LRRIQ3: variants seen among roughly 807,000 people sequenced by gnomAD.
LRRIQ3 encodes leucine-rich repeat and IQ domain-containing protein 3.
In LRRIQ3, 75 loss-of-function variants were observed where a neutral mutation model predicts 59.3. The observed-to-expected ratio is 1.26, with a 90% CI of 1.05 to 1.53. The LOEUF (loss-of-function observed/expected upper bound fraction) is 1.53, where lower values mean the gene tolerates loss of function less well. LRRIQ3 is among the 40% of genes most tolerant of loss of function. LRRIQ3 has a pLI of 0.00. For missense variants in LRRIQ3, 831 were observed against 710.0 expected, an observed-to-expected ratio of 1.17 and a Z score of -1.94; for synonymous variants, 250 against 231.3, an observed-to-expected ratio of 1.08 and a Z score of -0.73.
intron 4 of LRRIQ3, among the ~76,000 whole-genome samples, chr1:74,117,124 A>G (rs1401911256): frequency 6.6e-6 from 1 of 152,180 alleles, no homozygotes; most frequent in Non-Finnish European, 1.5e-5. Flanking sequence ...GTATATCAAA[A>G]TATTTTAAAT....
intron 6 of LRRIQ3, among the ~76,000 whole-genome samples, chr1:74,073,526 A>AAACG: frequency 6.6e-6 from 1 of 151,932 alleles, no homozygotes; most frequent in Admixed American, 6.6e-5. Flanking sequence ...ACAAACAAAC[A>AAACG]AACAAACAAA....
chr1:74,193,903 A>G (rs1650929621), intron 1 of LRRIQ3, among the ~76,000 whole-genome samples: 2 of 152,192 alleles, frequency 1.3e-5, no homozygotes, highest in Non-Finnish European at 2.9e-5. Flanking sequence ...ATCTAATTGT[A>G]AGGATTCTAA....
chr1:74,101,090 G>C (rs908796483), intron 5 of LRRIQ3, among the ~76,000 whole-genome samples: 3 of 152,140 alleles, frequency 2.0e-5, no homozygotes, highest in African/African-American at 7.2e-5. Flanking sequence ...GCTCTGCACA[G>C]CAAAAGAAAC....
intron 7 of LRRIQ3, 142 bp downstream of exon 7, chr1:74,041,071 T>G: frequency 1.5e-5 from 10 of 675,244 alleles, no homozygotes; most frequent in Non-Finnish European, 2.1e-5. Flanking sequence ...TATTAGTATA[T>G]TATTTGTTCT....
chr1:74,094,260 A>C (rs1256071162), intron 5 of LRRIQ3, among the ~76,000 whole-genome samples: 1 of 152,086 alleles, frequency 6.6e-6, no homozygotes, highest in Admixed American at 6.6e-5. Flanking sequence ...TTTTGAAGGG[A>C]CACATTCAGC....
rs866388313 is a variant in LRRIQ3 at position 74,139,109 on chromosome 1, T to C, written c.707+16624A>G. 2.9e-5 allele frequency among the ~76,000 whole-genome samples: 3 copies of C among 102,408 alleles called. No homozygotes were observed. The Admixed American group carries it at 3.6e-4, about 12-fold the overall frequency. The allele number at this position is 102,408 out of a possible 152,430, so 67.2% of individuals were successfully genotyped here. The stretch of plus-strand genomic sequence containing the variant: ...ATGTGTGTGTGTATATATATATACA[T>C]ATATGTATGTGTGTGTGTATATATA... On this transcript the variant is annotated intron_variant, in intron 4 of 7. Transcript: ENST00000354431.
chr1:74,064,368 A>G (rs1452859634), intron 6 of LRRIQ3, among the ~76,000 whole-genome samples: 1 of 152,002 alleles, frequency 6.6e-6, no homozygotes. Flanking sequence ...ACTATATGTT[A>G]TATGGCCAAC....
In LRRIQ3 at chr1:74,074,706, C is replaced by G. The variant is rs920479816; in HGVS notation, c.952G>C (p.Asp318His). The change falls in exon 6 of 8, where the codon GAT becomes CAT. Residue 318 changes from aspartate to histidine, a missense_variant. Physicochemically the swap from Asp to His is moderately conservative, Grantham distance 81. Coordinates refer to ENST00000354431, the MANE Select transcript of LRRIQ3 (RefSeq NM_001105659.2). The stretch of plus-strand genomic sequence containing the variant: ...GATGTTTTTGATTTCATGCCTAGAT[C>G]TTTTGGTTTTAATTCACATAAAATA... ...SSILCELKPK[D>H]LGMKSKTSRH... The G allele has an allele frequency of 9.6e-6, 14 of 1,456,788 alleles. No individual in the cohort carries two copies. In the African/African-American group the frequency reaches 1.9e-4, roughly 20 times the overall value. 90.2% of individuals were successfully genotyped at this position (1,456,788 alleles called of 1,614,324 possible). A position where few individuals can be genotyped will look rare whatever the true frequency, so the allele number is the denominator to read the frequency against.
chr1:74,165,018 C>A (rs1403129435), intron 3 of LRRIQ3, among the ~76,000 whole-genome samples: 4 of 151,514 alleles, frequency 2.6e-5, no homozygotes, highest in Non-Finnish European at 5.9e-5. Flanking sequence ...TTCTATTGAT[C>A]TATGTGCCCA....
chr1:74,037,322 T>C (rs1653900738), intron 7 of LRRIQ3, among the ~76,000 whole-genome samples: 1 of 152,120 alleles, frequency 6.6e-6, no homozygotes. Flanking sequence ...CACTGGCAAC[T>C]GAGGTATGCA....
chr1:74,098,985 A>G (rs1295451792), intron 5 of LRRIQ3, among the ~76,000 whole-genome samples: 1 of 152,220 alleles, frequency 6.6e-6, no homozygotes, highest in Non-Finnish European at 1.5e-5. Flanking sequence ...GAACATCACA[A>G]TGAAAAGAAC....
chr1:74,098,696 C>A (rs956238954), intron 5 of LRRIQ3, among the ~76,000 whole-genome samples: 12 of 152,146 alleles, frequency 7.9e-5, no homozygotes, highest in African/African-American at 2.9e-4. Flanking sequence ...GAAATTATAA[C>A]AAACTGTCTC....
intron 7 of LRRIQ3, among the ~76,000 whole-genome samples, chr1:74,035,433 G>A (rs990537037): frequency 5.9e-5 from 9 of 152,120 alleles, no homozygotes; most frequent in Admixed American, 5.2e-4. Context: ...TCTTAAAAAT[G>A]TTCCTTGGCA....
At chr1:74,027,635 C>T (rs1276850047) in intron 7 of LRRIQ3, among the ~76,000 whole-genome samples, 1 of 152,062 alleles carries the variant, frequency 6.6e-6, no homozygotes, top group Non-Finnish European at 1.5e-5. Flanking sequence ...GCCACCCAGC[C>T]TGTGATATTT....
At chr1:74,183,297 TTTAA>T in intron 2 of LRRIQ3, 135 bp downstream of exon 2, 1 of 694,658 alleles carries the variant, frequency 1.4e-6, no homozygotes, top group East Asian at 3.0e-5. Flanking sequence ...CTTACATGCT[TTTAA>T]TTTATTGTTA....
intron 3 of LRRIQ3, among the ~76,000 whole-genome samples, chr1:74,168,668 T>A (rs1649143266): frequency 6.6e-6 from 1 of 152,050 alleles, no homozygotes; most frequent in Non-Finnish European, 1.5e-5. Flanking sequence ...TTTCTTTCAT[T>A]GTTTTCTTCT....
chr1:74,151,725 C>T (rs550832738), intron 4 of LRRIQ3, among the ~76,000 whole-genome samples: 4 of 152,130 alleles, frequency 2.6e-5, no homozygotes, highest in Non-Finnish European at 5.9e-5. Flanking sequence ...CAGGTCAAAG[C>T]CCAAAGTGAG....
At chr1:74,184,517 A>C (rs1650229099) in intron 1 of LRRIQ3, among the ~76,000 whole-genome samples, 1 of 152,148 alleles carries the variant, frequency 6.6e-6, no homozygotes, top group African/African-American at 2.4e-5. Context: ...AGATAAACTA[A>C]ATCAGTGTGA....
At chr1:74,105,257 A>T (rs141532450) in intron 5 of LRRIQ3, among the ~76,000 whole-genome samples, 13 of 142,454 alleles carry the variant, frequency 9.1e-5, no homozygotes, top group African/African-American at 3.3e-4. Context: ...GTGTGTGTGT[A>T]TTTTTTTTTT....
Sources: gnomAD v4.1 joint callset for allele counts (sites outside exome capture counted in the v4.1 genomes callset) on GRCh38, gnomAD v4.1.1 for gene constraint, MANE v1.5 for transcripts, NCBI Gene and HGNC (gene_info 2026-07-23, HGNC 2026-07-21) for gene names.